Variants in EXD1 observed in about 807,000 individuals in gnomAD.
The protein encoded by EXD1 is exonuclease 3'-5' domain containing 1.
In EXD1, 63 loss-of-function variants were observed where a neutral mutation model predicts 49.1. That is an observed-to-expected ratio of 1.28 (90% CI 1.05 to 1.58). The LOEUF (loss-of-function observed/expected upper bound fraction) is 1.58, where lower values mean the gene tolerates loss of function less well. EXD1 is among the 40% of genes most tolerant of loss of function. The pLI is 0.00. For missense variants in EXD1, 748 were observed against 666.0 expected (o/e 1.12, Z -1.36); for synonymous variants, 234 against 239.2 (o/e 0.98, Z 0.20).
chr15:41,230,308 C>G (rs1166492950), intron 1 of EXD1, among the ~76,000 whole-genome samples, 171 bp downstream of exon 1: 1 of 152,106 alleles, frequency 6.6e-6, no homozygotes, highest in Non-Finnish European at 1.5e-5. Flanking sequence ...GTCTCGAACT[C>G]ACGACCTCAG....
chr15:41,206,079 A>G (rs1407773980), intron 7 of EXD1, among the ~76,000 whole-genome samples: 3 of 152,118 alleles, frequency 2.0e-5, no homozygotes, highest in Non-Finnish European at 4.4e-5. Context: ...GAGTGGGTGC[A>G]ATAAAGGAGC....
At chr15:41,199,739 G>GATATATATCATCTATGATATATA (rs777473507) in intron 7 of EXD1, among the ~76,000 whole-genome samples, 1 of 79,376 alleles carries the variant, frequency 1.3e-5, no homozygotes, top group African/African-American at 5.2e-5. Flanking sequence ...TGATATATAT[G>GATATATATCATCTATGATATATA]TCATATATTA....
At chr15:41,185,579 T>C (rs1199256995) in intron 11 of EXD1, among the ~76,000 whole-genome samples, 1 of 152,124 alleles carries the variant, frequency 6.6e-6, no homozygotes, top group Non-Finnish European at 1.5e-5. Flanking sequence ...AGTGGTGTGA[T>C]CATGGCTTAC....
At chr15:41,199,739 G>GATATATAGTATA (rs777473507) in intron 7 of EXD1, among the ~76,000 whole-genome samples, 1 of 79,378 alleles carries the variant, frequency 1.3e-5, no homozygotes, top group Non-Finnish European at 2.4e-5. Flanking sequence ...TGATATATAT[G>GATATATAGTATA]TCATATATTA....
At chr15:41,202,418 C>G (rs1201866580) in intron 7 of EXD1, among the ~76,000 whole-genome samples, 1 of 151,948 alleles carries the variant, frequency 6.6e-6, no homozygotes, top group Non-Finnish European at 1.5e-5. Context: ...CTCAGGTGAT[C>G]TACCCGCCTC....
chr15:41,221,050 C>A (rs959682051), intron 2 of EXD1, among the ~76,000 whole-genome samples: 2 of 152,064 alleles, frequency 1.3e-5, no homozygotes, highest in East Asian at 1.9e-4. Context: ...ATGTTTAGTT[C>A]TTTTCCTATT....
At chr15:41,219,572 C>T in intron 3 of EXD1, 2 of 344,298 alleles carry the variant, frequency 5.8e-6, no homozygotes, top group Non-Finnish European at 1.0e-5. Context: ...CAAGACAATC[C>T]CTTCCTGTTC....
At position 41,196,601 on chromosome 15, in the gene EXD1, C is replaced by T. The variant is rs1162219465; in HGVS notation, c.535-564G>A. Among the ~76,000 whole-genome samples the T allele has an allele frequency of 5.3e-5, 8 of 151,498 alleles. No homozygotes were observed. In the East Asian group the frequency reaches 9.7e-4, roughly 18 times the overall value. On this transcript the variant is annotated intron_variant, in intron 7 of 11. Transcript: ENST00000458580. ...AAAGTGCTGGGATTACATGTGTGAG[C>T]GTCCATGTCCAGTGAGAAAGGGTTT...
intron 2 of EXD1, among the ~76,000 whole-genome samples, chr15:41,223,227 T>C (rs886241296): frequency 6.6e-6 from 1 of 151,786 alleles, no homozygotes; most frequent in African/African-American, 2.4e-5. Context: ...AAGACCAGCC[T>C]GAGCAACACA....
In EXD1 at chr15:41,191,469, A is replaced by G. The variant is rs1273563480; in HGVS notation, c.837T>C (p.Phe279=). The G allele has an allele frequency of 1.9e-6, 3 of 1,611,780 alleles. No homozygotes were observed. Among genetic ancestry groups the G allele is most frequent in the Non-Finnish European group, 2.5e-6 (3 of 1,178,198 alleles). The change falls in exon 10 of 12, where the codon TTT becomes TTC. Residue 279 remains phenylalanine (F), a synonymous_variant. Transcript: ENST00000458580. ...HLQVAPKYLS[F]LEKRQKLIQE... ...GAATTAGTTTTTGTCTCTTTTCTAG[A>G]AAGGAGAGATATTTAGGGGCTACTT...
chr15:41,215,629 T>C, intron 6 of EXD1, 146 bp downstream of exon 6: 2 of 738,816 alleles, frequency 2.7e-6, no homozygotes, highest in Admixed American at 2.2e-5. Flanking sequence ...GAGCTTGCAG[T>C]GAGCCAAGAT....
At chr15:41,184,679 G>C (rs2046380050) in intron 11 of EXD1, 86 bp from the exon 12 acceptor site, 1 of 898,482 alleles carries the variant, frequency 1.1e-6, no homozygotes, top group Non-Finnish European at 1.6e-6. Flanking sequence ...TTTTGAGATG[G>C]AGTCTCGCTC....
chr15:41,229,927 A>T (rs1330660038), intron 1 of EXD1, among the ~76,000 whole-genome samples: 2 of 152,058 alleles, frequency 1.3e-5, no homozygotes, highest in Non-Finnish European at 2.9e-5. Flanking sequence ...CTACGACAAA[A>T]ATATCCTGGT....
chr15:41,227,281 T>C (rs2047176919), intron 1 of EXD1, among the ~76,000 whole-genome samples: 1 of 152,226 alleles, frequency 6.6e-6, no homozygotes, highest in African/African-American at 2.4e-5. Context: ...TGCTATCCTA[T>C]TAATTTTTAT....
chr15:41,228,077 C>T (rs8036701), intron 1 of EXD1, among the ~76,000 whole-genome samples: 49 of 152,102 alleles, frequency 3.2e-4, no homozygotes, highest in African/African-American at 1.1e-3. Context: ...CAAAAGAAGG[C>T]GGTACTCTTA....
At chr15:41,186,891 T>G (rs969893340) in intron 11 of EXD1, among the ~76,000 whole-genome samples, 1 of 145,528 alleles carries the variant, frequency 6.9e-6, no homozygotes, top group African/African-American at 2.7e-5. Flanking sequence ...TCTTTTTTTT[T>G]TTCTTTTTTT....
intron 7 of EXD1, among the ~76,000 whole-genome samples, chr15:41,204,237 G>GACTCTGTCTCAAA: frequency 8.8e-6 from 1 of 114,082 alleles, no homozygotes; most frequent in East Asian, 2.6e-4. Flanking sequence ...GACACAGCAA[G>GACTCTGTCTCAAA]ACTCTGTCTC....
At chr15:41,224,988 A>C (rs143347506) in intron 2 of EXD1, among the ~76,000 whole-genome samples, 2 of 151,974 alleles carry the variant, frequency 1.3e-5, no homozygotes, top group Non-Finnish European at 2.9e-5. Flanking sequence ...GGATAGCCCT[A>C]TGTTTCTTTT....
chr15:41,183,980 G>A lies in EXD1; in HGVS notation c.1670C>T (p.Ala557Val). 1 of 1,612,784 alleles carries A rather than the reference G, an allele frequency of 6.2e-7. No homozygotes were observed. Among genetic ancestry groups the A allele is most frequent in the Non-Finnish European group, 8.5e-7 (1 of 1,179,344 alleles). ...TVVSTLPPCP[A>V]LEKIDSWISP... ...TATCCAGGAATCGATCTTCTCCAAGGCTGGACAGGGAGGGAGTGTGGAAAC... is the reference window on the plus strand; with the variant it reads ...TATCCAGGAATCGATCTTCTCCAAGACTGGACAGGGAGGGAGTGTGGAAAC... The change falls in exon 12 of 12, where the codon GCC becomes GTC. Residue 557 changes from alanine to valine, a missense_variant. Transcript: ENST00000458580.
Sources: allele counts gnomAD v4.1 joint callset (sites outside exome capture counted in the v4.1 genomes callset), GRCh38; gene constraint gnomAD v4.1.1; transcripts MANE v1.5; gene names NCBI Gene and HGNC (gene_info 2026-07-23, HGNC 2026-07-21).